Variants in KLF8 observed in about 807,000 individuals in gnomAD.
KLF8 encodes the protein Krueppel-like factor 8.
A neutral mutation model predicts 18.2 loss-of-function variants in KLF8; 10 were observed. That is an observed-to-expected ratio of 0.55 (90% CI 0.34 to 0.93). The LOEUF (loss-of-function observed/expected upper bound fraction) is 0.93. KLF8 is among the 40% of genes least tolerant of loss of function. The pLI, the probability that KLF8 is intolerant of heterozygous loss-of-function variation, is 0.02. For synonymous variants in KLF8, 109 were observed against 97.3 expected, an observed-to-expected ratio of 1.12 and a Z score of -0.71; for missense variants, 264 against 277.9, an observed-to-expected ratio of 0.95 and a Z score of 0.36.
intron 5 of KLF8, among the ~76,000 whole-genome samples, chrX:56,275,424 T>C (rs1440779742): frequency 9.0e-6 from 1 of 111,634 alleles, no homozygotes; most frequent in African/African-American, 3.3e-5. Context: ...TTTTTCCAAA[T>C]ATAAGATTAT....
At chrX:55,976,675 A>T in the KLF8 span, among the ~76,000 whole-genome samples, 1 of 111,051 alleles carries the variant, frequency 9.0e-6, no homozygotes, top group Admixed American at 9.7e-5. Context: ...TTTCTGTGAA[A>T]AGTGCCTTTG....
chrX:56,008,901 G>C, the KLF8 span, among the ~76,000 whole-genome samples: 201 of 112,069 alleles, frequency 1.8e-3, 4 homozygotes, highest in East Asian at 0.054. Context: ...AGAAACTTCA[G>C]CAACTCCAGC....
At chrX:56,085,579 A>G in the KLF8 span, among the ~76,000 whole-genome samples, 2 of 112,212 alleles carry the variant, frequency 1.8e-5, no homozygotes, top group African/African-American at 3.2e-5. Context: ...TTAGTCTATC[A>G]TTTCATATGC....
the KLF8 span, among the ~76,000 whole-genome samples, chrX:56,145,964 C>G: frequency 8.9e-6 from 1 of 111,846 alleles, no homozygotes; most frequent in East Asian, 2.8e-4. Context: ...TGAAAGAAAG[C>G]CCATCATCAC....
chrX:55,916,342 T>G, the KLF8 span, among the ~76,000 whole-genome samples: 1 of 111,931 alleles, frequency 8.9e-6, no homozygotes, highest in Non-Finnish European at 1.9e-5. Flanking sequence ...CTACTTGATA[T>G]GCTTGCCAGG....
the KLF8 span, among the ~76,000 whole-genome samples, chrX:56,052,518 A>G: frequency 9.0e-6 from 1 of 111,485 alleles, no homozygotes; most frequent in South Asian, 3.8e-4. Context: ...GTCTGTTGGA[A>G]TACCTGCCGT....
At chrX:55,925,570 G>A in the KLF8 span, among the ~76,000 whole-genome samples, 1 of 111,389 alleles carries the variant, frequency 9.0e-6, no homozygotes, top group Admixed American at 9.6e-5. Context: ...GATCCAATTC[G>A]GTGGGTGAGG....
chrX:55,912,286 AT>A, the KLF8 span, among the ~76,000 whole-genome samples: 14 of 110,244 alleles, frequency 1.3e-4, no homozygotes, highest in East Asian at 2.8e-4. Flanking sequence ...AGAGGTTCTC[AT>A]TTTTTTTCAT....
chrX:56,109,363 C>G, the KLF8 span, among the ~76,000 whole-genome samples: 2 of 102,122 alleles, frequency 2.0e-5, no homozygotes, highest in South Asian at 4.6e-4. Flanking sequence ...CCACTGCACT[C>G]TAGTCTGGGC....
chrX:56,220,285 T>A, the KLF8 span, among the ~76,000 whole-genome samples: 6 of 111,616 alleles, frequency 5.4e-5, no homozygotes, highest in African/African-American at 2.0e-4. Flanking sequence ...AACATCAGCA[T>A]CACCTGGGAA....
chrX:56,138,805 A>T, the KLF8 span, among the ~76,000 whole-genome samples: 3 of 111,486 alleles, frequency 2.7e-5, no homozygotes, highest in African/African-American at 9.8e-5. Flanking sequence ...TAGTATGGGA[A>T]GTGCTAACCA....
the KLF8 span, among the ~76,000 whole-genome samples, chrX:56,071,240 C>A: frequency 9.0e-6 from 1 of 111,081 alleles, no homozygotes; most frequent in Non-Finnish European, 1.9e-5. Flanking sequence ...AGGTAATCTA[C>A]CATTTGAAGT....
chrX:56,229,913 GTT>G (rs2147543925), upstream of KLF8, among the ~76,000 whole-genome samples: 1 of 112,100 alleles, frequency 8.9e-6, no homozygotes, highest in South Asian at 3.7e-4. Flanking sequence ...TCTTGGGTTT[GTT>G]TTTCCAAGTT....
chrX:56,018,587 TAC>T, the KLF8 span, among the ~76,000 whole-genome samples: 1 of 110,720 alleles, frequency 9.0e-6, no homozygotes, highest in African/African-American at 3.3e-5. Context: ...GAGGGAAAAA[TAC>T]ACACACACAC....
chrX:56,215,233 G>T, the KLF8 span, among the ~76,000 whole-genome samples: 1 of 111,803 alleles, frequency 8.9e-6, no homozygotes, highest in Non-Finnish European at 1.9e-5. Context: ...TGTTGCATTG[G>T]TGATCTGTAT....
At chrX:56,106,352 C>T in the KLF8 span, among the ~76,000 whole-genome samples, 3 of 112,121 alleles carry the variant, frequency 2.7e-5, no homozygotes, top group African/African-American at 6.5e-5. Flanking sequence ...TTCAGGTACA[C>T]CAATCAGACG....
the KLF8 span, among the ~76,000 whole-genome samples, chrX:56,030,179 T>C: frequency 8.9e-6 from 1 of 111,805 alleles, no homozygotes; most frequent in Non-Finnish European, 1.9e-5. Context: ...GGTGGCCTTT[T>C]GAGCCCCTTT....
At chrX:56,182,109 A>T in the KLF8 span, among the ~76,000 whole-genome samples, 1 of 111,566 alleles carries the variant, frequency 9.0e-6, no homozygotes. Context: ...AGTCAGACAT[A>T]GATTTGGTCT....
the KLF8 span, among the ~76,000 whole-genome samples, chrX:56,057,246 G>A: frequency 9.0e-6 from 1 of 111,555 alleles, no homozygotes; most frequent in East Asian, 2.8e-4. Context: ...TTTTCTTTAT[G>A]CTTAGTTTTT....
Sources: gnomAD v4.1 joint callset for allele counts (sites outside exome capture counted in the v4.1 genomes callset) on GRCh38, gnomAD v4.1.1 for gene constraint, MANE v1.5 for transcripts, NCBI Gene and HGNC (gene_info 2026-07-23, HGNC 2026-07-21) for gene names.